Variants in HTR1F observed in about 807,000 individuals in gnomAD.
HTR1F encodes the protein 5-hydroxytryptamine (serotonin) receptor 1F, G protein-coupled.
In HTR1F, 17 loss-of-function variants were observed where a neutral mutation model predicts 24.0. The ratio of observed to expected loss-of-function variants is 0.71; its 90% CI spans 0.48 to 1.06. The LOEUF is 1.06. HTR1F is among the 50% of genes least tolerant of loss of function. HTR1F has a pLI of 0.00. For missense variants in HTR1F, 391 were observed against 427.8 expected, an observed-to-expected ratio of 0.91 and a Z score of 0.76; for synonymous variants, 186 against 156.8, an observed-to-expected ratio of 1.19 and a Z score of -1.39.
At chr3:87,920,518 A>T (rs1703991423) in intron 2 of HTR1F, among the ~76,000 whole-genome samples, 3 of 152,076 alleles carry the variant, frequency 2.0e-5, no homozygotes, top group Non-Finnish European at 4.4e-5. Context: ...TTTTTTAAAA[A>T]AGAAATGATA....
At chr3:87,989,531 T>C (rs1261567481) in intron 2 of HTR1F, among the ~76,000 whole-genome samples, 1 of 152,218 alleles carries the variant, frequency 6.6e-6, no homozygotes, top group African/African-American at 2.4e-5. Context: ...ACAATGATCA[T>C]GGAATGCTAA....
chr3:87,824,985 G>A (rs1704434420), intron 2 of HTR1F, among the ~76,000 whole-genome samples: 1 of 152,046 alleles, frequency 6.6e-6, no homozygotes, highest in Admixed American at 6.6e-5. Flanking sequence ...TCTTCCCATA[G>A]CTAAAAATGA....
At chr3:87,815,418 C>T (rs1575900118) in intron 1 of HTR1F, among the ~76,000 whole-genome samples, 1 of 151,982 alleles carries the variant, frequency 6.6e-6, no homozygotes, top group African/African-American at 2.4e-5. Flanking sequence ...TAGCTTGGTA[C>T]TAGGTTAGCA....
At chr3:87,913,089 G>A (rs948175868) in intron 2 of HTR1F, among the ~76,000 whole-genome samples, 28 of 152,084 alleles carry the variant, frequency 1.8e-4, no homozygotes, top group Admixed American at 3.9e-4. Flanking sequence ...TTAACAAATC[G>A]GACCTAATTA....
intron 2 of HTR1F, among the ~76,000 whole-genome samples, chr3:87,887,266 A>G (rs541885967): frequency 1.3e-5 from 2 of 152,300 alleles, no homozygotes; most frequent in South Asian, 4.1e-4. Context: ...AAAACTGGCT[A>G]GCCATATGTA....
At chr3:87,979,130 AG>A (rs1419996126) in intron 2 of HTR1F, among the ~76,000 whole-genome samples, 1 of 40,172 alleles carries the variant, frequency 2.5e-5, no homozygotes, top group Non-Finnish European at 4.7e-5. Flanking sequence ...GGAGGGAGGG[AG>A]GGAGGGAGGG....
intron 2 of HTR1F, among the ~76,000 whole-genome samples, chr3:87,912,175 A>G (rs1035233792): frequency 2.6e-5 from 4 of 152,020 alleles, no homozygotes; most frequent in Non-Finnish European, 5.9e-5. Context: ...CCCATAGTCT[A>G]AGCACAAAAG....
At chr3:87,921,863 G>C (rs1414587583) in intron 2 of HTR1F, among the ~76,000 whole-genome samples, 4 of 151,668 alleles carry the variant, frequency 2.6e-5, no homozygotes, top group African/African-American at 9.7e-5. Flanking sequence ...AAGCCTTCAA[G>C]GTTTATCCAT....
rs181722646 is a variant in HTR1F, at chr3:87,899,695, C to T, written c.-43+77571C>T. ...CTGGCCAACATAGTGAAACCCCGTC[C>T]GTACTAAAAATACAAAAAATTTAGA... On this transcript the variant is annotated intron_variant, in intron 2 of 2. Coordinates refer to ENST00000319595, the MANE Select transcript of HTR1F (RefSeq NM_001322209.2). 1.6e-3 allele frequency among the ~76,000 whole-genome samples: 237 copies of T among 151,998 alleles called. 1 individual carries two copies. The highest frequency in any genetic ancestry group is 5.3e-3 in the African/African-American group (218 of 41,472).
At chr3:87,989,117 GAGAGA>G (rs1159708486) in intron 2 of HTR1F, among the ~76,000 whole-genome samples, 10 of 152,074 alleles carry the variant, frequency 6.6e-5, no homozygotes, top group East Asian at 1.9e-4. Context: ...AAAGTTATTA[GAGAGA>G]AGAGGATTGA....
rs141274968 is a variant in HTR1F, at chr3:87,855,807, T to A, written c.-43+33683T>A. On this transcript the variant is annotated intron_variant, in intron 2 of 2. Transcript: ENST00000319595. Reference sequence around the variant, plus strand: ...GTGTCCCTCTCAGGAATGTGAATCATCCCTTTGTCCAGCGTATCCACACTG... The same window carrying A: ...GTGTCCCTCTCAGGAATGTGAATCAACCCTTTGTCCAGCGTATCCACACTG... Among the ~76,000 whole-genome samples the A allele has an allele frequency of 3.9e-3, 587 of 152,220 alleles. 5 individuals carry two copies. Among genetic ancestry groups the A allele is most frequent in the African/African-American group, 0.014 (564 of 41,558 alleles).
intron 2 of HTR1F, among the ~76,000 whole-genome samples, chr3:87,881,618 C>T (rs1401271914): frequency 2.6e-5 from 4 of 152,172 alleles, no homozygotes. Flanking sequence ...GAAAGGATTC[C>T]CTATTTAATA....
chr3:87,877,238 T>C (rs2107271120), intron 2 of HTR1F, among the ~76,000 whole-genome samples: 1 of 152,248 alleles, frequency 6.6e-6, no homozygotes, highest in East Asian at 1.9e-4. Flanking sequence ...TTTTTGTTTG[T>C]AATAAAAGAA....
chr3:87,893,882 T>C (rs1706139992), intron 2 of HTR1F, among the ~76,000 whole-genome samples: 2 of 152,248 alleles, frequency 1.3e-5, no homozygotes, highest in Admixed American at 1.3e-4. Context: ...TGGCCACTTG[T>C]CCATACACAT....
At chr3:87,845,593 C>A (rs1704922774) in intron 2 of HTR1F, among the ~76,000 whole-genome samples, 1 of 150,268 alleles carries the variant, frequency 6.7e-6, no homozygotes, top group African/African-American at 2.5e-5. Flanking sequence ...AGGATACAAA[C>A]AAATGGAAGA....
chr3:87,842,178 T>C (rs1704823049), intron 2 of HTR1F, among the ~76,000 whole-genome samples: 2 of 151,888 alleles, frequency 1.3e-5, no homozygotes. Flanking sequence ...TTTTGTTTTT[T>C]TGAGACAGAG....
At chr3:87,879,488 G>A (rs1705742041) in intron 2 of HTR1F, among the ~76,000 whole-genome samples, 1 of 152,084 alleles carries the variant, frequency 6.6e-6, no homozygotes, top group East Asian at 1.9e-4. Context: ...CAGTGCATTA[G>A]CCAAGAATCT....
intron 1 of HTR1F, among the ~76,000 whole-genome samples, chr3:87,812,472 G>A (rs1192099396): frequency 1.3e-5 from 2 of 152,002 alleles, no homozygotes; most frequent in Non-Finnish European, 2.9e-5. Flanking sequence ...TGAGAGAGAG[G>A]ATCTGAAATA....
intron 2 of HTR1F, among the ~76,000 whole-genome samples, chr3:87,890,087 T>C (rs748172646): frequency 3.3e-5 from 5 of 152,338 alleles, no homozygotes; most frequent in South Asian, 2.1e-4. Flanking sequence ...ACCCAGGTAA[T>C]ATAAGGTAAA....
Sources: gnomAD v4.1 joint callset for allele counts (sites outside exome capture counted in the v4.1 genomes callset) on GRCh38, gnomAD v4.1.1 for gene constraint, MANE v1.5 for transcripts, NCBI Gene and HGNC (gene_info 2026-07-23, HGNC 2026-07-21) for gene names.